FKBP3: variants seen among roughly 807,000 people sequenced by gnomAD.
FKBP3 encodes the protein FKBP prolyl isomerase 3, also known as peptidyl-prolyl cis-trans isomerase FKBP3.
A neutral mutation model predicts 30.6 loss-of-function variants in FKBP3; 21 were observed. The observed-to-expected ratio is 0.69, with a 90% confidence interval of 0.49 to 0.99. The LOEUF is 0.99. Among genes scored for constraint, FKBP3 ranks in the 50% least tolerant of loss-of-function variants. The pLI is 0.00. For synonymous variants in FKBP3, 82 were observed against 91.3 expected (o/e 0.90, Z 0.58); for missense variants, 283 against 261.6 (o/e 1.08, Z -0.56).
At chr14:45,134,285 C>T in intron 1 of FKBP3, 64 bp downstream of exon 1, 7 of 1,269,940 alleles carry the variant, frequency 5.5e-6, no homozygotes, top group South Asian at 3.7e-5. Flanking sequence ...AATGTATGGG[C>T]ATCTCCAGGG....
At chr14:45,133,731 A>C (rs1885281426) in intron 1 of FKBP3, among the ~76,000 whole-genome samples, 1 of 152,172 alleles carries the variant, frequency 6.6e-6, no homozygotes, top group African/African-American at 2.4e-5. Flanking sequence ...ATTTCAAATA[A>C]ATTTCTTAGT....
chr14:45,134,259 G>T, intron 1 of FKBP3, 90 bp downstream of exon 1: 3 of 1,049,688 alleles, frequency 2.9e-6, no homozygotes, highest in Non-Finnish European at 4.2e-6. Flanking sequence ...GAGGGCGGGG[G>T]CACAGAGGAA....
chr14:45,130,873 CT>C (rs1885198459), intron 1 of FKBP3, 73 bp from the exon 2 acceptor site: 2 of 801,938 alleles, frequency 2.5e-6, no homozygotes, highest in Non-Finnish European at 4.0e-6. Context: ...GAAAACGATC[CT>C]TTTATGTTAG....
Position 45,127,120 on chromosome 14 carries a change from T to TG in FKBP3, c.318+2673_318+2674insC, listed in dbSNP as rs1314873036. On this transcript the variant is annotated intron_variant, in intron 3 of 6. Transcript: ENST00000396062. ...CTGTACCTGACTGACCCTGTCTTTT[T>TG]TTTTTTTTTTGAGACAGAGTTTCAC... Among the ~76,000 whole-genome samples the TG allele has an allele frequency of 2.7e-5, 4 of 148,096 alleles. No homozygotes were observed. The East Asian group carries it at 7.9e-4, about 29-fold the overall frequency.
chr14:45,126,683 G>GA (rs1316344386), intron 3 of FKBP3, among the ~76,000 whole-genome samples: 2 of 152,108 alleles, frequency 1.3e-5, no homozygotes, highest in Non-Finnish European at 2.9e-5. Flanking sequence ...AATGTAAAAA[G>GA]AAAGAGATGA....
At chr14:45,133,900 A>T (rs1885287007) in intron 1 of FKBP3, among the ~76,000 whole-genome samples, 1 of 152,230 alleles carries the variant, frequency 6.6e-6, no homozygotes, top group Non-Finnish European at 1.5e-5. Flanking sequence ...AATGTTCAGT[A>T]TTTAGTAAAC....
At chr14:45,129,923 A>G (rs755428499) in intron 2 of FKBP3, 22 bp from the exon 3 acceptor site, 3 of 1,527,512 alleles carry the variant, frequency 2.0e-6, no homozygotes, top group Middle Eastern at 1.7e-4. Context: ...ATGTTGTAAC[A>G]TCATACCCAG....
intron 2 of FKBP3, 90 bp downstream of exon 2, chr14:45,130,609 A>G (rs1462717502): frequency 1.4e-6 from 1 of 730,224 alleles, no homozygotes; most frequent in East Asian, 2.9e-5. Flanking sequence ...AAGCTCCAAC[A>G]CATTCAACAA....
At chr14:45,130,460 G>C (rs1011026271) in intron 2 of FKBP3, among the ~76,000 whole-genome samples, 9 of 152,188 alleles carry the variant, frequency 5.9e-5, no homozygotes, top group African/African-American at 2.2e-4. Flanking sequence ...GTGGACTTAA[G>C]AATTTGTTGT....
At chr14:45,116,472 G>A (rs959676326) in intron 6 of FKBP3, among the ~76,000 whole-genome samples, 4 of 151,536 alleles carry the variant, frequency 2.6e-5, no homozygotes, top group Non-Finnish European at 5.9e-5. Flanking sequence ...AGCTGGGGGG[G>A]GGTGGAACAA....
intron 5 of FKBP3, among the ~76,000 whole-genome samples, chr14:45,119,980 A>G (rs889571544): frequency 6.6e-6 from 1 of 151,994 alleles, no homozygotes; most frequent in Non-Finnish European, 1.5e-5. Context: ...ATGAGCCACC[A>G]CGCCTGGCTG....
rs576430191 is a variant in FKBP3, at chr14:45,126,047, C to T, written c.318+3747G>A. On this transcript the variant is annotated intron_variant, in intron 3 of 6. Transcript: ENST00000396062. ...CTGAGTAGTTGGGACTACAGGCACACACCACCACGCCTGGCTACTTTTTTG... is the reference window on the plus strand; with the variant it reads ...CTGAGTAGTTGGGACTACAGGCACATACCACCACGCCTGGCTACTTTTTTG... Among the ~76,000 whole-genome samples, 169 of 152,158 alleles carry T rather than the reference C, an allele frequency of 1.1e-3. 1 individual carries two copies. The highest frequency in any genetic ancestry group is 4.0e-3 in the African/African-American group (165 of 41,574).
chr14:45,133,342 C>CTA (rs1491400784), intron 1 of FKBP3: 1 of 303,032 alleles, frequency 3.3e-6, no homozygotes. Flanking sequence ...TGGCACGCGC[C>CTA]TGTAGTCCTA....
intron 3 of FKBP3, among the ~76,000 whole-genome samples, chr14:45,125,196 G>T (rs1594743509): frequency 6.6e-6 from 1 of 152,218 alleles, no homozygotes; most frequent in Non-Finnish European, 1.5e-5. Flanking sequence ...GATTACAGGC[G>T]TGAGCCACAG....
intron 3 of FKBP3, among the ~76,000 whole-genome samples, chr14:45,125,797 A>G (rs1318201204): frequency 6.6e-6 from 1 of 152,168 alleles, no homozygotes; most frequent in East Asian, 1.9e-4. Context: ...CAGAAGTGAC[A>G]AATAGGGATA....
At chr14:45,122,812 T>C (rs1485007220) in intron 3 of FKBP3, among the ~76,000 whole-genome samples, 7 of 152,184 alleles carry the variant, frequency 4.6e-5, no homozygotes, top group African/African-American at 1.7e-4. Context: ...CTATTCCTGA[T>C]CTATTTCTAA....
At chr14:45,126,562 A>C (rs904889576) in intron 3 of FKBP3, among the ~76,000 whole-genome samples, 4 of 152,096 alleles carry the variant, frequency 2.6e-5, no homozygotes, top group African/African-American at 9.6e-5. Context: ...ACATTTTGGA[A>C]GTTTTGAATG....
At chr14:45,130,959 G>A (rs1885200577) in intron 1 of FKBP3, 159 bp from the exon 2 acceptor site, 2 of 482,974 alleles carry the variant, frequency 4.1e-6, no homozygotes, top group South Asian at 7.1e-5. Context: ...TACAAAAAAA[G>A]TAAGAGATTT....
At chr14:45,129,662 TTAAG>T (rs1282932762) in intron 3 of FKBP3, 128 bp downstream of exon 3, 2 of 541,178 alleles carry the variant, frequency 3.7e-6, no homozygotes, top group Admixed American at 6.6e-5. Context: ...GCCCACTACA[TTAAG>T]TGTTTGGCTC....
Sources: allele counts gnomAD v4.1 joint callset (sites outside exome capture counted in the v4.1 genomes callset), GRCh38; gene constraint gnomAD v4.1.1; transcripts MANE v1.5; gene names NCBI Gene and HGNC (gene_info 2026-07-23, HGNC 2026-07-21).